Variants in HDAC4 observed in about 807,000 individuals in gnomAD.
The protein encoded by HDAC4 is histone deacetylase A.
Under a neutral mutation model 135.1 loss-of-function variants are expected in HDAC4, and 16 were observed. The observed-to-expected ratio is 0.12, with a 90% CI of 0.08 to 0.18. HDAC4 has a LOEUF of 0.18. HDAC4 is among the 10% of genes least tolerant of loss of function. HDAC4 has a pLI of 1.00. For missense variants in HDAC4, 1,143 were observed against 1,511.8 expected, an observed-to-expected ratio of 0.76 and a Z score of 4.05; for synonymous variants, 685 against 653.4, an observed-to-expected ratio of 1.05 and a Z score of -0.74.
chr2:239,264,108 A>C (rs2049559858), intron 2 of HDAC4, among the ~76,000 whole-genome samples: 1 of 152,202 alleles, frequency 6.6e-6, no homozygotes, highest in Non-Finnish European at 1.5e-5. Context: ...TTCCCAGGCC[A>C]GGCGGGGAGC....
chr2:239,106,446 AGGGAAGGGACGTG>A (rs1477370417), intron 15 of HDAC4, among the ~76,000 whole-genome samples: 2 of 152,066 alleles, frequency 1.3e-5, no homozygotes, highest in Admixed American at 1.3e-4. Context: ...GGTCCTGTGG[AGGGAAGGGACGTG>A]GGGAAGGAGT....
intron 3 of HDAC4, among the ~76,000 whole-genome samples, chr2:239,219,197 T>C (rs2046810961): frequency 6.6e-6 from 1 of 150,640 alleles, no homozygotes; most frequent in Non-Finnish European, 1.5e-5. Flanking sequence ...CTATTCACAA[T>C]AGCAAAGACT....
chr2:239,272,880 A>C (rs1010106743), intron 2 of HDAC4, among the ~76,000 whole-genome samples: 3 of 152,086 alleles, frequency 2.0e-5, no homozygotes, highest in Admixed American at 6.5e-5. Context: ...CTCTCGTCCC[A>C]AGCTGTCCCT....
intron 2 of HDAC4, among the ~76,000 whole-genome samples, chr2:239,321,860 T>A (rs2053327112): frequency 6.6e-6 from 1 of 152,094 alleles, no homozygotes; most frequent in Non-Finnish European, 1.5e-5. Flanking sequence ...GCACATCCGG[T>A]TGTTAAGGGG....
chr2:239,257,486 C>T (rs559469659), intron 2 of HDAC4, among the ~76,000 whole-genome samples: 13 of 152,084 alleles, frequency 8.5e-5, no homozygotes, highest in African/African-American at 1.2e-4. Flanking sequence ...TACTTTTGAC[C>T]GCCTCTTGCA....
chr2:239,254,035 G>A (rs2048926765), intron 2 of HDAC4, among the ~76,000 whole-genome samples: 1 of 152,204 alleles, frequency 6.6e-6, no homozygotes, highest in African/African-American at 2.4e-5. Context: ...AGGCTTCAGT[G>A]AGAATCTAAG....
chr2:239,337,820 G>A (rs1372997931), intron 2 of HDAC4, among the ~76,000 whole-genome samples: 1 of 152,166 alleles, frequency 6.6e-6, no homozygotes, highest in Admixed American at 6.5e-5. Context: ...TGCAGACTGG[G>A]CCCTGGCAGA....
intron 3 of HDAC4, among the ~76,000 whole-genome samples, chr2:239,201,608 C>G (rs2045759753): frequency 6.6e-6 from 1 of 152,168 alleles, no homozygotes. Flanking sequence ...TCTGCTCCCA[C>G]AAAGCTGCTC....
chr2:239,237,605 T>A (rs2047959163), intron 2 of HDAC4, among the ~76,000 whole-genome samples: 1 of 151,882 alleles, frequency 6.6e-6, no homozygotes, highest in African/African-American at 2.4e-5. Flanking sequence ...CATTTTTTTA[T>A]CCAAAATAGA....
Position 239,271,828 on chromosome 2 carries a change from A to G in HDAC4, c.23-35164T>C, listed in dbSNP as rs559707325. ...TAACCTCTCAACAGGGAAGATGTCC[A>G]CCTGGAAGTTACACAGAGCTTCGAA... On this transcript the variant is annotated intron_variant, in intron 2 of 26. Transcript: ENST00000543185. 3.3e-5 allele frequency among the ~76,000 whole-genome samples: 5 copies of G among 152,312 alleles called. No homozygotes were observed. The South Asian group carries it at 1.0e-3, about 32-fold the overall frequency.
chr2:239,161,304 C>G (rs945205105), intron 6 of HDAC4, among the ~76,000 whole-genome samples: 2 of 152,102 alleles, frequency 1.3e-5, no homozygotes, highest in African/African-American at 4.8e-5. Flanking sequence ...GTGGAAATAT[C>G]ATGTTTTGGG....
In HDAC4 at chr2:239,299,867, G is replaced by A. The variant is rs1201078078; in HGVS notation, c.22+52811C>T. ...AACAGAGCGGAGAGCCTGCAGGGAC[G>A]CAGCTGGGGACTAAGCAGATGGGAG... is the stretch of plus-strand genomic sequence containing the variant. On this transcript the variant is annotated intron_variant, in intron 2 of 26. Transcript: ENST00000543185. The surrounding 1 kb of genome is among the most constrained non-coding windows in gnomAD (Gnocchi z 4.0). Among the ~76,000 whole-genome samples, 3 of 152,202 alleles carry A rather than the reference G, an allele frequency of 2.0e-5. No individual in the cohort carries two copies. The highest frequency in any genetic ancestry group is 2.9e-5 in the Non-Finnish European group (2 of 68,042).
chr2:239,167,017 T>C lies in HDAC4; in HGVS notation c.491-3094A>G, dbSNP rs559857375. Among the ~76,000 whole-genome samples the C allele has an allele frequency of 3.3e-5, 5 of 151,836 alleles. No individual in the cohort carries two copies. Among genetic ancestry groups the C allele is most frequent in the African/African-American group, 1.2e-4 (5 of 41,416 alleles). ...AAAATGATGCTGGTGACAGCGACAG[T>C]GAGGATGAGGACCCAGATGGCCAGT... On this transcript the variant is annotated intron_variant, in intron 5 of 26. Transcript: ENST00000543185. The surrounding 1 kb of genome is among the most constrained non-coding windows in gnomAD (Gnocchi z 4.1).
intron 14 of HDAC4, among the ~76,000 whole-genome samples, chr2:239,109,768 G>C (rs945996702): frequency 6.6e-6 from 1 of 152,192 alleles, no homozygotes; most frequent in African/African-American, 2.4e-5. Flanking sequence ...CGTGAAATAC[G>C]TAAGTGTGTG....
chr2:239,289,711 C>T (rs1202133144), intron 2 of HDAC4, among the ~76,000 whole-genome samples: 2 of 152,128 alleles, frequency 1.3e-5, no homozygotes, highest in African/African-American at 4.8e-5. Flanking sequence ...TGGGAGCCCA[C>T]GGAGAGCAGA....
intron 3 of HDAC4, among the ~76,000 whole-genome samples, chr2:239,195,599 C>T (rs999265017): frequency 3.3e-5 from 5 of 152,216 alleles, no homozygotes; most frequent in Non-Finnish European, 5.9e-5. Flanking sequence ...CAAAATGCCA[C>T]GAGTTCCCAA....
At chr2:239,225,756 G>A (rs2047207256) in intron 3 of HDAC4, among the ~76,000 whole-genome samples, 1 of 152,154 alleles carries the variant, frequency 6.6e-6, no homozygotes, top group Non-Finnish European at 1.5e-5. Flanking sequence ...GCTACCCAAG[G>A]GACACCTCCA....
Position 239,140,028 on chromosome 2 carries a change from A to G in HDAC4, c.866-232T>C, listed in dbSNP as rs13395829. Among the ~76,000 whole-genome samples, 734 of 152,306 alleles carry G rather than the reference A, an allele frequency of 4.8e-3. 10 individuals are homozygous for G. Among genetic ancestry groups the G allele is most frequent in the Middle Eastern group, 0.02 (6 of 294 alleles). ...TTTTTCTAGGACATGTACGTTACCAATTTTATACCTCGTTTGATTTTCAAG... is the reference window on the plus strand; with the variant it reads ...TTTTTCTAGGACATGTACGTTACCAGTTTTATACCTCGTTTGATTTTCAAG... On this transcript the variant is annotated intron_variant, in intron 8 of 26. Coordinates refer to ENST00000543185, the MANE Select transcript of HDAC4 (RefSeq NM_001378414.1).
chr2:239,073,177 G>A (rs547758205), intron 22 of HDAC4, among the ~76,000 whole-genome samples: 5 of 152,350 alleles, frequency 3.3e-5, no homozygotes, highest in African/African-American at 1.2e-4. Context: ...TTAGATGGGA[G>A]TCACAGGAGA....
Sources: allele counts gnomAD v4.1 joint callset (sites outside exome capture counted in the v4.1 genomes callset), GRCh38; gene constraint gnomAD v4.1.1; non-coding constraint Gnocchi (gnomAD v3.1); transcripts MANE v1.5; gene names NCBI Gene and HGNC (gene_info 2026-07-23, HGNC 2026-07-21).